Variants in ATXN2 observed in about 807,000 individuals in gnomAD.
ATXN2 encodes the protein ataxin 2.
A neutral mutation model predicts 138.6 loss-of-function variants in ATXN2; 37 were observed. The ratio of observed to expected loss-of-function variants is 0.27; its 90% CI spans 0.21 to 0.35. ATXN2 has a LOEUF of 0.35. Among genes scored for constraint, ATXN2 ranks in the 10% least tolerant of loss-of-function variants. The pLI, the probability that ATXN2 is intolerant of heterozygous loss-of-function variation, is 1.00. For synonymous variants in ATXN2, 549 were observed against 543.7 expected (o/e 1.01, Z -0.13); for missense variants, 1,216 against 1,480.3 (o/e 0.82, Z 2.93).
At chr12:111,469,577 A>G (rs1876260956) in intron 20 of ATXN2, 1 of 152,886 alleles carries the variant, frequency 6.5e-6, no homozygotes, top group African/African-American at 2.4e-5. Flanking sequence ...GGTTATATTT[A>G]AAGTGTGACT....
intron 5 of ATXN2, among the ~76,000 whole-genome samples, chr12:111,539,698 G>C (rs1235838496): frequency 1.3e-5 from 2 of 149,602 alleles, no homozygotes; most frequent in African/African-American, 4.9e-5. Context: ...GCAGTGAGCC[G>C]AGATCGCGCT....
intron 1 of ATXN2, among the ~76,000 whole-genome samples, chr12:111,581,118 A>G (rs531478675): frequency 3.6e-4 from 53 of 149,280 alleles, no homozygotes; most frequent in South Asian, 1.1e-3. Context: ...GCTCGGCAAC[A>G]GAGCGAGACT....
At chr12:111,549,510 T>C (rs1457576064) in intron 5 of ATXN2, among the ~76,000 whole-genome samples, 1 of 151,352 alleles carries the variant, frequency 6.6e-6, no homozygotes, top group Non-Finnish European at 1.5e-5. Flanking sequence ...CACTCCAGCC[T>C]GGGAAATAGA....
rs1882083518 is a variant in ATXN2, at chr12:111,550,971, A to G, written c.571+1309T>C. Among the ~76,000 whole-genome samples, 4 of 152,352 alleles carry G rather than the reference A, an allele frequency of 2.6e-5. No individual in the cohort carries two copies. The South Asian group carries it at 8.3e-4, about 32-fold the overall frequency. On this transcript the variant is annotated intron_variant, in intron 5 of 24. Coordinates refer to ENST00000673436, the MANE Select transcript of ATXN2 (RefSeq NM_001372574.1). ...AATTTACAACAGAATTACGTATTTCACTACAGAATTTGGCATATACAAATA... is the reference window on the plus strand; with the variant it reads ...AATTTACAACAGAATTACGTATTTCGCTACAGAATTTGGCATATACAAATA...
In ATXN2 at chr12:111,475,470, A is replaced by G. The variant is rs1169560702; in HGVS notation, c.2525-4728T>C. Among the ~76,000 whole-genome samples the G allele has an allele frequency of 2.0e-5, 3 of 146,542 alleles. No individual in the cohort carries two copies. In the East Asian group the frequency reaches 5.9e-4, roughly 29 times the overall value. On this transcript the variant is annotated intron_variant, in intron 18 of 24. Transcript: ENST00000673436. The stretch of plus-strand genomic sequence containing the variant: ...AATTGGAACAAATTATTGTAAAAAG[A>G]TTTATCTTTTCTGTTTCTTTTTTTT...
At chr12:111,574,406 T>C (rs1883518805) in intron 1 of ATXN2, among the ~76,000 whole-genome samples, 1 of 151,364 alleles carries the variant, frequency 6.6e-6, no homozygotes, top group African/African-American at 2.4e-5. Context: ...CTGTCACAAA[T>C]GTAAATTCCT....
Position 111,453,727 on chromosome 12 carries a change from G to C in ATXN2, c.3389C>G (p.Pro1130Arg). 2 of 1,613,854 alleles carry C rather than the reference G, an allele frequency of 1.2e-6. No homozygotes were observed. Among genetic ancestry groups the C allele is most frequent in the Non-Finnish European group, 1.7e-6 (2 of 1,179,872 alleles). Reference sequence around the variant, plus strand: ...ATGCGCTGTTGTCGAGACTGGAATGGGCTGTAGTGCACTTTGAGCGAGGGC... The same window carrying C: ...ATGCGCTGTTGTCGAGACTGGAATGCGCTGTAGTGCACTTTGAGCGAGGGC... ...QAALAQSALQ[P>R]IPVSTTAHFP... is the part of the protein sequence containing the mutation. Residue 1130 changes from proline to arginine, a missense_variant, in exon 24 of 25, where the codon CCC (proline) becomes CGC (arginine). Pro to Arg is a moderately radical substitution (Grantham distance 103). Coordinates refer to ENST00000673436, the MANE Select transcript of ATXN2 (RefSeq NM_001372574.1). This position sits in a 1 kb window ranked among gnomAD's most constrained non-coding sequence, Gnocchi z 5.4.
intron 13 of ATXN2, 73 bp from the exon 14 acceptor site, chr12:111,509,692 T>C (rs913797309): frequency 3.0e-5 from 30 of 987,238 alleles, no homozygotes; most frequent in Admixed American, 1.4e-4. Flanking sequence ...TAGTATGAGA[T>C]GATAGAAATT....
At chr12:111,520,852 C>G in intron 7 of ATXN2, 30 bp downstream of exon 7, 1 of 1,336,482 alleles carries the variant, frequency 7.5e-7, no homozygotes, top group Non-Finnish European at 1.0e-6. Flanking sequence ...GACAAATGCA[C>G]TAAAATAAAA....
intron 1 of ATXN2, among the ~76,000 whole-genome samples, chr12:111,573,184 T>TTTTA (rs890065572): frequency 3.3e-5 from 5 of 151,862 alleles, no homozygotes; most frequent in East Asian, 1.9e-4. Context: ...TTGTTATTAT[T>TTTTA]TTTATTTATT....
intron 1 of ATXN2, among the ~76,000 whole-genome samples, chr12:111,588,476 GC>G (rs1336707297): frequency 1.5e-4 from 23 of 151,878 alleles, no homozygotes; most frequent in African/African-American, 5.1e-4. Context: ...ACAAAAATTA[GC>G]CAGGCGAGAT....
rs1322475251 is a variant in ATXN2, at chr12:111,599,062, C to CGCCGGGCGGGGACAGCCGGGA, written c.-49_-29dup. 6.2e-6 allele frequency: 9 copies of CGCCGGGCGGGGACAGCCGGGA among 1,440,808 alleles called. No individual in the cohort carries two copies. In the African/African-American group the frequency reaches 1.0e-4, roughly 17 times the overall value. 89.3% of individuals were successfully genotyped at this position (1,440,808 alleles called of 1,614,324 possible). A position where few individuals can be genotyped will look rare whatever the true frequency, so the allele number is the denominator to read the frequency against. ...TGAGGGGCCCATACACCGGCTCGCA[C>CGCCGGGCGGGGACAGCCGGGA]GCCGGGCGGGGACAGCCGGGAGCCG... On this transcript the variant is annotated 5_prime_UTR_variant, in exon 1 of 25. Coordinates refer to ENST00000673436, the MANE Select transcript of ATXN2 (RefSeq NM_001372574.1).
chr12:111,479,335 T>C (rs1877045145), intron 18 of ATXN2, among the ~76,000 whole-genome samples: 1 of 147,160 alleles, frequency 6.8e-6, no homozygotes. Flanking sequence ...GGTGGATCAT[T>C]TGGGGTCAGG....
chr12:111,499,582 G>A (rs1453889959), intron 14 of ATXN2, among the ~76,000 whole-genome samples: 1 of 151,844 alleles, frequency 6.6e-6, no homozygotes, highest in Non-Finnish European at 1.5e-5. Context: ...CAGGAGGCAG[G>A]AGAATTGCTT....
chr12:111,539,681 G>A (rs1881386108), intron 5 of ATXN2, among the ~76,000 whole-genome samples: 1 of 149,694 alleles, frequency 6.7e-6, no homozygotes, highest in African/African-American at 2.4e-5. Context: ...CCCGGGAGGC[G>A]GAGCTTGCAG....
intron 1 of ATXN2, chr12:111,581,676 C>A: frequency 1.4e-6 from 1 of 699,588 alleles, no homozygotes. Flanking sequence ...CAGGCCTATG[C>A]CTTTACCGCC....
chr12:111,476,228 C>T (rs1876807265), intron 18 of ATXN2, among the ~76,000 whole-genome samples: 1 of 152,180 alleles, frequency 6.6e-6, no homozygotes, highest in Non-Finnish European at 1.5e-5. Context: ...TCTGAGGTTA[C>T]AGGTATGAGC....
At chr12:111,573,637 T>C (rs1187873409) in intron 1 of ATXN2, among the ~76,000 whole-genome samples, 1 of 152,196 alleles carries the variant, frequency 6.6e-6, no homozygotes, top group Non-Finnish European at 1.5e-5. Context: ...CTAAAGGCAA[T>C]TTCCTTAATT....
intron 1 of ATXN2, among the ~76,000 whole-genome samples, chr12:111,585,914 G>GT (rs985630386): frequency 7.9e-5 from 11 of 138,940 alleles, no homozygotes; most frequent in South Asian, 7.1e-4. Flanking sequence ...TCTTTGCTTT[G>GT]TTTTTTTGAG....
Sources: gnomAD v4.1 joint callset for allele counts (sites outside exome capture counted in the v4.1 genomes callset) on GRCh38, gnomAD v4.1.1 for gene constraint, Gnocchi (gnomAD v3.1) non-coding constraint, MANE v1.5 for transcripts, NCBI Gene and HGNC (gene_info 2026-07-23, HGNC 2026-07-21) for gene names.